NDE1: variants seen among roughly 807,000 people sequenced by gnomAD.
NDE1 encodes the protein nuclear distribution protein nudE homolog 1.
A neutral mutation model predicts 43.4 loss-of-function variants in NDE1; 28 were observed. The ratio of observed to expected loss-of-function variants is 0.65; its 90% CI spans 0.48 to 0.89. NDE1 has a LOEUF of 0.89. Among genes scored for constraint, NDE1 ranks in the 40% least tolerant of loss-of-function variants. The pLI, the probability that NDE1 is intolerant of heterozygous loss-of-function variation, is 0.00. For missense variants in NDE1, 441 were observed against 434.1 expected (o/e 1.02, Z -0.14); for synonymous variants, 184 against 172.0 (o/e 1.07, Z -0.55).
intron 8 of NDE1, among the ~76,000 whole-genome samples, chr16:15,708,628 C>T (rs1187096099): frequency 6.6e-6 from 1 of 152,164 alleles, no homozygotes. Flanking sequence ...TATTTGTCAT[C>T]CTGATCTTGG....
At chr16:15,718,100 ATG>A (rs2040263872) in intron 8 of NDE1, 2 of 723,060 alleles carry the variant, frequency 2.8e-6, no homozygotes, top group Non-Finnish European at 4.5e-6. Context: ...TGGCTGGAAA[ATG>A]AGACACTGCA....
At position 15,725,117 on chromosome 16, in the gene NDE1, G is replaced by T; in HGVS notation, c.*866G>T. On this transcript the variant is annotated 3_prime_UTR_variant, in exon 9 of 9. Coordinates refer to ENST00000396354, the MANE Select transcript of NDE1 (RefSeq NM_017668.3). ...GTTCACTGATTGAGAAAATACCCGT[G>T]AGGTATGGGACTCTGATAAAAAAAA... The T allele has an allele frequency of 1.4e-6, 1 of 732,872 alleles. No individual in the cohort carries two copies. Among genetic ancestry groups the T allele is most frequent in the Non-Finnish European group, 2.4e-6 (1 of 421,590 alleles). 45.4% of individuals were successfully genotyped at this position (732,872 alleles called of 1,614,324 possible).
At chr16:15,699,760 C>A in intron 8 of NDE1, 1 of 1,351,606 alleles carries the variant, frequency 7.4e-7, no homozygotes, top group Non-Finnish European at 9.8e-7. Context: ...TGGGAAGCCG[C>A]CTTCACACAT....
chr16:15,708,036 G>A (rs1442882795), intron 8 of NDE1, among the ~76,000 whole-genome samples: 3 of 151,234 alleles, frequency 2.0e-5, no homozygotes. Flanking sequence ...GGCCCTGTGT[G>A]CATCCTTGAG....
At chr16:15,699,416 C>T (rs2151150607) in intron 8 of NDE1, among the ~76,000 whole-genome samples, 1 of 152,188 alleles carries the variant, frequency 6.6e-6, no homozygotes, top group African/African-American at 2.4e-5. Context: ...CAGGCCACCA[C>T]ACCCAGCTAA....
At chr16:15,697,833 G>A (rs1406482713) in intron 8 of NDE1, among the ~76,000 whole-genome samples, 1 of 149,202 alleles carries the variant, frequency 6.7e-6, no homozygotes, top group Non-Finnish European at 1.5e-5. Context: ...TTTTTGAGAC[G>A]TCTTGCTCTG....
At chr16:15,710,452 C>A (rs1261161050) in intron 8 of NDE1, among the ~76,000 whole-genome samples, 1 of 152,060 alleles carries the variant, frequency 6.6e-6, no homozygotes, top group East Asian at 1.9e-4. Context: ...ACCTGGGAGG[C>A]AAAGGTTGCA....
Position 15,719,116 on chromosome 16 carries a change from A to G in NDE1, c.948-5075A>G, listed in dbSNP as rs192544901. The stretch of plus-strand genomic sequence containing the variant: ...GCCCTCCAGCCTGGGTGACAGAATG[A>G]AACTCTGTCTCGAAAAAATTTAAAA... On this transcript the variant is annotated intron_variant, in intron 8 of 8. Transcript: ENST00000396354. The G allele has an allele frequency of 6.3e-5, 72 of 1,146,856 alleles. No homozygotes were observed. In the Admixed American group the frequency reaches 6.6e-4, roughly 11 times the overall value. 71.0% of individuals were successfully genotyped at this position (1,146,856 alleles called of 1,614,324 possible).
rs1164134517 is a variant in NDE1 at position 15,664,769 on chromosome 16, T to A, written c.-10T>A. 1.2e-6 allele frequency: 2 copies of A among 1,601,390 alleles called. No individual in the cohort carries two copies. The highest frequency in any genetic ancestry group is 1.7e-5 in the Admixed American group (1 of 59,908). ...CCACAAGGAGAGTGATCTCTTCCCC[T>A]GTTTTCACAATGGAGGACTCCGGAA... On this transcript the variant is annotated 5_prime_UTR_variant, in exon 2 of 9. Transcript: ENST00000396354.
chr16:15,707,608 T>C (rs1210425372), intron 8 of NDE1, among the ~76,000 whole-genome samples: 2 of 152,142 alleles, frequency 1.3e-5, no homozygotes, highest in Non-Finnish European at 2.9e-5. Flanking sequence ...AAGCTGAGAT[T>C]CTCCAAAAAT....
intron 8 of NDE1, chr16:15,699,581 C>T: frequency 8.3e-7 from 1 of 1,200,054 alleles, no homozygotes; most frequent in Non-Finnish European, 1.1e-6. Flanking sequence ...CCAGTGTCCT[C>T]TTCTTCATTT....
chr16:15,708,230 T>C (rs535514713), intron 8 of NDE1, among the ~76,000 whole-genome samples: 1 of 152,162 alleles, frequency 6.6e-6, no homozygotes, highest in Non-Finnish European at 1.5e-5. Flanking sequence ...GACATCGCAG[T>C]GAGCTCATTT....
chr16:15,683,311 A>G (rs548636428), intron 4 of NDE1: 25 of 152,198 alleles, frequency 1.6e-4, no homozygotes, highest in African/African-American at 5.8e-4. Context: ...GTCACAAATT[A>G]TTGCAATATT....
intron 3 of NDE1, chr16:15,672,914 G>C (rs1007566792): frequency 1.3e-5 from 2 of 152,240 alleles, no homozygotes; most frequent in African/African-American, 4.8e-5. Context: ...CAGGAAATGG[G>C]GAGGGTGCTG....
chr16:15,708,690 A>G lies in NDE1; in HGVS notation c.947+11830A>G, dbSNP rs1596674599. ...ATCCAAGCCTCCAGATTTTGCAAGAATCTCGTGGAAATGTGCAAGGGTTTA... is the reference window on the plus strand; with the variant it reads ...ATCCAAGCCTCCAGATTTTGCAAGAGTCTCGTGGAAATGTGCAAGGGTTTA... On this transcript the variant is annotated intron_variant, in intron 8 of 8. Coordinates refer to ENST00000396354, the MANE Select transcript of NDE1 (RefSeq NM_017668.3). 3 of 1,170,168 alleles carry G rather than the reference A, an allele frequency of 2.6e-6. No homozygotes were observed. In the South Asian group the frequency reaches 3.9e-5, roughly 15 times the overall value. The allele number at this position is 1,170,168 out of a possible 1,614,324, so 72.5% of individuals were successfully genotyped here. A position where few individuals can be genotyped will look rare whatever the true frequency, so the allele number is the denominator to read the frequency against.
chr16:15,679,723 T>A (rs2038076506), intron 4 of NDE1, among the ~76,000 whole-genome samples: 4 of 152,178 alleles, frequency 2.6e-5, no homozygotes. Flanking sequence ...GGTTGTATTG[T>A]AGGCAGTGTG....
intron 8 of NDE1, chr16:15,720,302 T>C: frequency 1.2e-6 from 2 of 1,614,032 alleles, no homozygotes; most frequent in Admixed American, 1.7e-5. Context: ...TTCCGTCTCA[T>C]ACTCGTGAAG....
intron 1 of NDE1, 127 bp from the exon 2 acceptor site, chr16:15,664,609 C>G: frequency 3.1e-6 from 2 of 640,752 alleles, no homozygotes; most frequent in Non-Finnish European, 5.5e-6. Context: ...CCCGCCTCAG[C>G]CTCCCAAAGT....
chr16:15,678,701 AAG>A (rs1337229430), intron 4 of NDE1, among the ~76,000 whole-genome samples: 11 of 152,286 alleles, frequency 7.2e-5, no homozygotes, highest in African/African-American at 2.4e-4. Flanking sequence ...ACATTTACAG[AAG>A]AATTACTCTC....
Sources: allele counts gnomAD v4.1 joint callset (sites outside exome capture counted in the v4.1 genomes callset), GRCh38; gene constraint gnomAD v4.1.1; transcripts MANE v1.5; gene names NCBI Gene and HGNC (gene_info 2026-07-23, HGNC 2026-07-21).